Variants in SGCZ observed in about 807,000 individuals in gnomAD.
SGCZ encodes the protein zeta-sarcoglycan.
Under a neutral mutation model 41.3 loss-of-function variants are expected in SGCZ, and 40 were observed. The ratio of observed to expected loss-of-function variants is 0.97; its 90% CI spans 0.75 to 1.26. The LOEUF is 1.26. Ranked by LOEUF, SGCZ falls within the 50% of genes most tolerant of loss-of-function variation. The probability of loss-of-function intolerance (pLI) is 0.00; values close to 1 mark genes in which losing one functional copy is unlikely to be tolerated. For synonymous variants in SGCZ, 206 were observed against 137.5 expected, an observed-to-expected ratio of 1.50 and a Z score of -3.49; for missense variants, 552 against 369.8, an observed-to-expected ratio of 1.49 and a Z score of -4.04.
chr8:15,045,721 A>G (rs1381799437), intron 1 of SGCZ, among the ~76,000 whole-genome samples: 1 of 152,098 alleles, frequency 6.6e-6, no homozygotes, highest in African/African-American at 2.4e-5. Flanking sequence ...TTCTCTCATC[A>G]GAGTTGAAGA....
At chr8:14,972,542 T>C (rs1191244218) in intron 1 of SGCZ, among the ~76,000 whole-genome samples, 1 of 152,194 alleles carries the variant, frequency 6.6e-6, no homozygotes, top group East Asian at 1.9e-4. Context: ...ATCTATCATC[T>C]TGTTGTTTGT....
chr8:14,175,203 C>G (rs1804506663), intron 4 of SGCZ, among the ~76,000 whole-genome samples: 1 of 151,954 alleles, frequency 6.6e-6, no homozygotes, highest in Non-Finnish European at 1.5e-5. Context: ...AATTATCATC[C>G]AAGGTTGAAT....
chr8:14,092,636 A>T (rs569211406), intron 7 of SGCZ, among the ~76,000 whole-genome samples: 1 of 152,076 alleles, frequency 6.6e-6, no homozygotes, highest in East Asian at 2.0e-4. Flanking sequence ...AAGTCTGACA[A>T]GATCTGATGG....
At chr8:14,937,092 C>T (rs970271395) in intron 1 of SGCZ, among the ~76,000 whole-genome samples, 3 of 151,688 alleles carry the variant, frequency 2.0e-5, no homozygotes, top group Non-Finnish European at 3.0e-5. Flanking sequence ...AAAGTTTAAA[C>T]TGGCCAAAAG....
At chr8:15,160,617 T>C (rs1261445030) in intron 1 of SGCZ, among the ~76,000 whole-genome samples, 6 of 152,240 alleles carry the variant, frequency 3.9e-5, no homozygotes, top group Non-Finnish European at 8.8e-5. Flanking sequence ...CCAATTTTTC[T>C]AGGCTTTGTA....
chr8:15,223,171 G>A (rs1801661057), intron 1 of SGCZ, among the ~76,000 whole-genome samples: 1 of 152,036 alleles, frequency 6.6e-6, no homozygotes, highest in African/African-American at 2.4e-5. Context: ...AATAAACTTG[G>A]TTTACTGTCA....
chr8:14,786,459 T>A (rs1800770304), intron 1 of SGCZ, among the ~76,000 whole-genome samples: 1 of 152,158 alleles, frequency 6.6e-6, no homozygotes, highest in Admixed American at 6.5e-5. Context: ...CCATATTTTA[T>A]CATGGTTCAG....
At chr8:14,330,396 A>G (rs1802271747) in intron 2 of SGCZ, among the ~76,000 whole-genome samples, 1 of 152,048 alleles carries the variant, frequency 6.6e-6, no homozygotes, top group African/African-American at 2.4e-5. Context: ...AATTTATAGA[A>G]TTTGTCTTTA....
intron 1 of SGCZ, among the ~76,000 whole-genome samples, chr8:14,661,786 G>A (rs1032305516): frequency 6.6e-6 from 1 of 151,748 alleles, no homozygotes; most frequent in Admixed American, 6.6e-5. Flanking sequence ...TTCACAAAAT[G>A]TTTAACCCAT....
chr8:14,807,118 A>G (rs1157380322), intron 1 of SGCZ, among the ~76,000 whole-genome samples: 1 of 151,820 alleles, frequency 6.6e-6, no homozygotes, highest in African/African-American at 2.4e-5. Context: ...CCCACAGCCA[A>G]TATCATACTG....
intron 1 of SGCZ, among the ~76,000 whole-genome samples, chr8:15,041,303 A>T (rs945380591): frequency 6.6e-6 from 1 of 152,012 alleles, no homozygotes; most frequent in African/African-American, 2.4e-5. Context: ...CCTTGTTTAC[A>T]TATTTCAAAT....
Position 14,222,792 on chromosome 8 carries a change from A to ATTTTTTTTTTTTT in SGCZ, c.424+14787_424+14799dup, listed in dbSNP as rs775444301. On this transcript the variant is annotated intron_variant, in intron 4 of 7. Transcript: ENST00000382080. ...ATTCCACCCTCTCTCAGTCACAGTG[A>ATTTTTTTTTTTTT]TTTTTTTTTTTTTTTTTTTTTTTTT... is the stretch of plus-strand genomic sequence containing the variant. Among the ~76,000 whole-genome samples the ATTTTTTTTTTTTT allele has an allele frequency of 1.0e-4, 5 of 48,896 alleles. 1 individual carries two copies. Among genetic ancestry groups the ATTTTTTTTTTTTT allele is most frequent in the African/African-American group, 4.5e-4 (5 of 11,006 alleles). 32.1% of individuals were successfully genotyped at this position (48,896 alleles called of 152,430 possible).
At chr8:15,190,427 G>T (rs1407338708) in intron 1 of SGCZ, among the ~76,000 whole-genome samples, 1 of 151,962 alleles carries the variant, frequency 6.6e-6, no homozygotes, top group African/African-American at 2.4e-5. Flanking sequence ...AAAGACAGTG[G>T]TTAAGACTCA....
At chr8:14,865,911 G>A (rs1011495595) in intron 1 of SGCZ, among the ~76,000 whole-genome samples, 2 of 152,154 alleles carry the variant, frequency 1.3e-5, no homozygotes, top group Non-Finnish European at 2.9e-5. Flanking sequence ...ATCACCAAAC[G>A]ACACCTTGGG....
chr8:14,431,093 T>C lies in SGCZ; in HGVS notation c.235-106889A>G, dbSNP rs189082530. On this transcript the variant is annotated intron_variant, in intron 2 of 7. Transcript: ENST00000382080. ...TGCTCATGGATGAGTAGAATCAATA[T>C]TGTGAAAATGACCTCACTATCAAAA... is the stretch of plus-strand genomic sequence containing the variant. Among the ~76,000 whole-genome samples, 60 of 152,300 alleles carry C rather than the reference T, an allele frequency of 3.9e-4. No homozygotes were observed. In the Middle Eastern group the frequency reaches 0.014, roughly 35 times the overall value.
chr8:14,355,614 T>A (rs1476945809), intron 2 of SGCZ, among the ~76,000 whole-genome samples: 1 of 151,864 alleles, frequency 6.6e-6, no homozygotes, highest in Non-Finnish European at 1.5e-5. Context: ...AAAAACGAGA[T>A]AAATCAAAGA....
intron 1 of SGCZ, among the ~76,000 whole-genome samples, chr8:14,900,162 C>G (rs930139216): frequency 2.0e-5 from 3 of 151,942 alleles, no homozygotes; most frequent in Non-Finnish European, 4.4e-5. Flanking sequence ...TGACTGTAGA[C>G]AGACAAGGGC....
chr8:14,164,356 A>C (rs1463746000), intron 5 of SGCZ, among the ~76,000 whole-genome samples: 3 of 152,190 alleles, frequency 2.0e-5, no homozygotes, highest in East Asian at 3.9e-4. Flanking sequence ...CCTCCACCTG[A>C]GAGATGGCTT....
chr8:14,353,226 A>G (rs1803165451), intron 2 of SGCZ, among the ~76,000 whole-genome samples: 1 of 152,108 alleles, frequency 6.6e-6, no homozygotes, highest in South Asian at 2.1e-4. Flanking sequence ...TTATGAGCAA[A>G]GCACTTGAGA....
Sources: gnomAD v4.1 joint callset for allele counts (sites outside exome capture counted in the v4.1 genomes callset) on GRCh38, gnomAD v4.1.1 for gene constraint, MANE v1.5 for transcripts, NCBI Gene and HGNC (gene_info 2026-07-23, HGNC 2026-07-21) for gene names.